Variants in RASIP1 observed in about 807,000 individuals in gnomAD.
The protein encoded by RASIP1 is Ras interacting protein 1.
RASIP1 carries 20 observed loss-of-function variants against 85.3 expected under a neutral mutation model. The observed-to-expected ratio is 0.23, with a 90% CI of 0.17 to 0.34. The LOEUF is 0.34. Among genes scored for constraint, RASIP1 ranks in the 10% least tolerant of loss-of-function variants. RASIP1 has a pLI of 1.00. For synonymous variants in RASIP1, 617 were observed against 647.1 expected, an observed-to-expected ratio of 0.95 and a Z score of 0.71; for missense variants, 1,170 against 1,390.9, an observed-to-expected ratio of 0.84 and a Z score of 2.53.
rs71179038 is a variant in RASIP1, at chr19:48,722,300, A to ATT, written c.2545-301_2545-300dup. On this transcript the variant is annotated intron_variant, in intron 10 of 11. Transcript: ENST00000222145. ...TTGAATCTGGCGATGGTACTTGGGG[A>ATT]TTTTTTTTTTTTTTTTTTTTTTTTG... is the stretch of plus-strand genomic sequence containing the variant. Among the ~76,000 whole-genome samples, 688 of 98,302 alleles carry ATT rather than the reference A, an allele frequency of 7.0e-3. 23 individuals are homozygous for ATT. The highest frequency in any genetic ancestry group is 0.02 in the African/African-American group (483 of 24,300). 64.5% of individuals were successfully genotyped at this position (98,302 alleles called of 152,430 possible). A position where few individuals can be genotyped will look rare whatever the true frequency, so the allele number is the denominator to read the frequency against.
chr19:48,737,746 C>T, intron 3 of RASIP1: 17 of 985,194 alleles, frequency 1.7e-5, no homozygotes, highest in Non-Finnish European at 1.9e-5. Flanking sequence ...CACCACATGC[C>T]ACCACTCCTC....
At chr19:48,723,153 T>A (rs987545256) in intron 10 of RASIP1, among the ~76,000 whole-genome samples, 1 of 152,202 alleles carries the variant, frequency 6.6e-6, no homozygotes, top group Non-Finnish European at 1.5e-5. Context: ...CCCAAAATGC[T>A]GGCATTACAG....
rs767618889 is a variant in RASIP1, at chr19:48,727,169, A to C, written c.1872-11T>G. 6 of 1,613,234 alleles carry C rather than the reference A, an allele frequency of 3.7e-6. 1 individual carries two copies. The highest frequency in any genetic ancestry group is 3.4e-6 in the Non-Finnish European group (4 of 1,180,020). On this transcript the variant is annotated splice_polypyrimidine_tract_variant and intron_variant, in intron 6 of 11. Coordinates refer to ENST00000222145, the MANE Select transcript of RASIP1 (RefSeq NM_017805.3). ...ACCCCCTCAGGGTGGCTTGAAAAAG[A>C]GGAAGGAATTTGTGATCCCTGCCCA...
chr19:48,735,396 C>A lies in RASIP1; in HGVS notation c.979G>T (p.Val327Leu), dbSNP rs1272802660. The A allele has an allele frequency of 1.2e-6, 2 of 1,612,982 alleles. No homozygotes were observed. Among genetic ancestry groups the A allele is most frequent in the South Asian group, 2.2e-5 (2 of 90,984 alleles). ...RSENLSLRRS[V>L]SELSLQGRRR... ...CGCCCCTGAAGGCTAAGCTCCGACA[C>A]GCTGCGCCGCAAAGACAAGTTTTCT... The change falls in exon 4 of 12, where the codon GTG (valine) becomes TTG (leucine). Residue 327 changes from valine (V) to leucine (L), a missense_variant. Physicochemically the swap from Val to Leu is conservative, Grantham distance 32. This residue lies in a region of RASIP1 where 301 missense variants were observed against 294.8 expected (regional missense o/e 1.02). Transcript: ENST00000222145.
At chr19:48,729,925 G>C (rs954103550) in intron 4 of RASIP1, among the ~76,000 whole-genome samples, 2 of 151,858 alleles carry the variant, frequency 1.3e-5, no homozygotes, top group Non-Finnish European at 2.9e-5. Context: ...ATGTTGGCCA[G>C]GCTGGTCTTA....
chr19:48,726,958 A>G (rs1354270292), intron 7 of RASIP1, 49 bp downstream of exon 7: 2 of 1,611,370 alleles, frequency 1.2e-6, no homozygotes, highest in South Asian at 2.2e-5. Context: ...CCCCAGGTGC[A>G]GGGCATGATG....
chr19:48,721,561 G>C (rs1442174358), intron 11 of RASIP1, among the ~76,000 whole-genome samples: 1 of 152,186 alleles, frequency 6.6e-6, no homozygotes, highest in African/African-American at 2.4e-5. Flanking sequence ...CCAGCACTTT[G>C]GGAGGCCGAG....
At position 48,735,324 on chromosome 19, in the gene RASIP1, G is replaced by T; in HGVS notation, c.1051C>A (p.Pro351Thr). The change falls in exon 4 of 12, where the codon CCA (proline) becomes ACA (threonine). Residue 351 changes from proline (P) to threonine (T), a missense_variant. Pro to Thr is a conservative substitution (Grantham distance 38). This residue lies in a region of RASIP1 where 301 missense variants were observed against 294.8 expected (regional missense o/e 1.02). Coordinates refer to ENST00000222145, the MANE Select transcript of RASIP1 (RefSeq NM_017805.3). ...ERRQQALSMAPGAADAQIGTA... is the reference protein window; with the variant it reads ...ERRQQALSMATGAADAQIGTA... ...CCGATTTGGGCGTCGGCTGCCCCTG[G>T]GGCCATGCTAAGTGCCTGCTGTCTC... 6.2e-7 allele frequency: 1 copy of T among 1,613,782 alleles called. No homozygotes were observed. Among genetic ancestry groups the T allele is most frequent in the Non-Finnish European group, 8.5e-7 (1 of 1,179,930 alleles).
chr19:48,725,133 G>A (rs2033321147), intron 8 of RASIP1, 173 bp from the exon 9 acceptor site: 4 of 696,774 alleles, frequency 5.7e-6, no homozygotes, highest in African/African-American at 1.8e-5. Context: ...TTGATAGAAG[G>A]GTATACAAGT....
At chr19:48,737,659 T>A (rs1036970122) in intron 3 of RASIP1, 6 of 985,024 alleles carry the variant, frequency 6.1e-6, no homozygotes, top group Non-Finnish European at 6.0e-6. Flanking sequence ...CCTTCTATAC[T>A]CCACCCACAT....
In RASIP1 at chr19:48,735,442, C is replaced by T; in HGVS notation, c.933G>A (p.Gly311=). The T allele has an allele frequency of 6.2e-7, 1 of 1,602,196 alleles. No homozygotes were observed. Among genetic ancestry groups the T allele is most frequent in the South Asian group, 1.1e-5 (1 of 89,716 alleles). Residue 311 remains glycine, a synonymous_variant, in exon 4 of 12, where the codon GGG becomes GGA. Coordinates refer to ENST00000222145, the MANE Select transcript of RASIP1 (RefSeq NM_017805.3). ...TTTCTGAGCGCTCCTTGCCTCCAGA[C>T]CCAGCTGGGGCCCCTGATCCGGTCC... ...GPGTGSGAPA[G]SGGKERSENL... is the part of the protein sequence containing the mutation.
chr19:48,724,641 C>T lies in RASIP1; in HGVS notation c.2371+76G>A, dbSNP rs903279887. On this transcript the variant is annotated intron_variant, in intron 9 of 11. Transcript: ENST00000222145. The surrounding 1 kb of genome is among the most constrained non-coding windows in gnomAD (Gnocchi z 4.6). ...GGTACCCAAAGGTGAGGCTTGAGCC[C>T]GTGGTGTGTCTAATATGACCTGAGT... The T allele has an allele frequency of 2.3e-5, 37 of 1,589,428 alleles. No individual in the cohort carries two copies. Among genetic ancestry groups the T allele is most frequent in the South Asian group, 8.1e-5 (7 of 86,784 alleles).
In RASIP1 at chr19:48,739,781, CGGGGGTGAGGGT is replaced by C; in HGVS notation, c.138-148_138-137del. The C allele has an allele frequency of 1.5e-5, 1 of 64,578 alleles. No individual in the cohort carries two copies. The highest frequency in any genetic ancestry group is 1.6e-4 in the South Asian group (1 of 6,118). The allele number at this position is 64,578 out of a possible 1,614,324, so 4.0% of individuals were successfully genotyped here. A position where few individuals can be genotyped will look rare whatever the true frequency, so the allele number is the denominator to read the frequency against. On this transcript the variant is annotated intron_variant, in intron 2 of 11. Transcript: ENST00000222145. The surrounding 1 kb of genome is among the most constrained non-coding windows in gnomAD (Gnocchi z 9.2). ...AGGGACCCAGGGTGGATGGACGGGGCGGGGGTGAGGGTGGGGACAGACGCGAGGCAAAGAGAG... is the reference window on the plus strand; with the variant it reads ...AGGGACCCAGGGTGGATGGACGGGGCGGGGACAGACGCGAGGCAAAGAGAG...
At chr19:48,721,441 C>T (rs1356093169) in intron 11 of RASIP1, among the ~76,000 whole-genome samples, 3 of 151,920 alleles carry the variant, frequency 2.0e-5, no homozygotes, top group Non-Finnish European at 4.4e-5. Flanking sequence ...GCACTTATGT[C>T]CTGGTGGGGA....
In RASIP1 at chr19:48,729,605, A is replaced by G; in HGVS notation, c.1180-15T>C. 1 of 1,575,148 alleles carries G rather than the reference A, an allele frequency of 6.3e-7. No individual in the cohort carries two copies. Among genetic ancestry groups the G allele is most frequent in the South Asian group, 1.2e-5 (1 of 86,216 alleles). The stretch of plus-strand genomic sequence containing the variant: ...ACCACAAAGTCCTGGAGGGGAAACG[A>G]GGATGCACTAAGGACATCACTTCAA... On this transcript the variant is annotated splice_polypyrimidine_tract_variant and intron_variant, in intron 4 of 11. Coordinates refer to ENST00000222145, the MANE Select transcript of RASIP1 (RefSeq NM_017805.3).
In RASIP1 at chr19:48,740,416, G is replaced by A. The variant is rs1042847126; in HGVS notation, c.-5+105C>T. The A allele has an allele frequency of 1.4e-6, 2 of 1,403,502 alleles. No individual in the cohort carries two copies. The highest frequency in any genetic ancestry group is 2.7e-5 in the East Asian group (1 of 36,754). The allele number at this position is 1,403,502 out of a possible 1,614,324, so 86.9% of individuals were successfully genotyped here. On this transcript the variant is annotated intron_variant, in intron 1 of 11. Coordinates refer to ENST00000222145, the MANE Select transcript of RASIP1 (RefSeq NM_017805.3). This position sits in a 1 kb window ranked among gnomAD's most constrained non-coding sequence, Gnocchi z 5.5. Reference sequence around the variant, plus strand: ...ACTTGCGAGTCCAGGGGGAGGAGAGGGATGGTACCCTGGATTCCTGGGTCC... The same window carrying A: ...ACTTGCGAGTCCAGGGGGAGGAGAGAGATGGTACCCTGGATTCCTGGGTCC...
chr19:48,726,927 T>C (rs1568477147), intron 7 of RASIP1, 39 bp from the exon 8 acceptor site: 1 of 1,609,098 alleles, frequency 6.2e-7, no homozygotes, highest in Non-Finnish European at 8.5e-7. Context: ...GAACCAGAAG[T>C]CGGCAGCCAG....
rs2033629214 is a variant in RASIP1 at position 48,739,379 on chromosome 19, G to A, written c.404C>T (p.Pro135Leu). ...CGCCGTGGCGCGGGTAGCCAGCGGG[G>A]GCTCGGGGGCCACGCCCGCCGCCAG... The part of the protein sequence containing the change: ...PELAAGVAPE[P>L]PLATRATAPP... The change falls in exon 3 of 12, where the codon CCC becomes CTC. Residue 135 changes from proline to leucine, a missense_variant. Pro to Leu is a moderately conservative substitution (Grantham distance 98). Around this residue, in one of 4 missense-constraint regions of RASIP1, gnomAD observed 299 missense variants for 394.4 expected, o/e 0.76. Coordinates refer to ENST00000222145, the MANE Select transcript of RASIP1 (RefSeq NM_017805.3). The surrounding 1 kb of genome is among the most constrained non-coding windows in gnomAD (Gnocchi z 9.2). 2 of 1,343,194 alleles carry A rather than the reference G, an allele frequency of 1.5e-6. No individual in the cohort carries two copies. The highest frequency in any genetic ancestry group is 1.8e-5 in the South Asian group (1 of 54,142). 83.2% of individuals were successfully genotyped at this position (1,343,194 alleles called of 1,614,324 possible).
chr19:48,724,209 G>T lies in RASIP1; in HGVS notation c.2544+128C>A. 2 of 965,386 alleles carry T rather than the reference G, an allele frequency of 2.1e-6. No individual in the cohort carries two copies. Among genetic ancestry groups the T allele is most frequent in the Non-Finnish European group, 3.1e-6 (2 of 655,304 alleles). 59.8% of individuals were successfully genotyped at this position (965,386 alleles called of 1,614,324 possible). On this transcript the variant is annotated intron_variant, in intron 10 of 11. Coordinates refer to ENST00000222145, the MANE Select transcript of RASIP1 (RefSeq NM_017805.3). This position sits in a 1 kb window ranked among gnomAD's most constrained non-coding sequence, Gnocchi z 4.6. ...TACCTGCCAATGTGTTACCCACAGT[G>T]TCTGAGCTGGGGCTGGGGATGGCAT...
Sources: gnomAD v4.1 joint callset for allele counts (sites outside exome capture counted in the v4.1 genomes callset) on GRCh38, gnomAD v4.1.1 for gene constraint, gnomAD v4.1.1 regional missense constraint, Gnocchi (gnomAD v3.1) non-coding constraint, MANE v1.5 for transcripts, NCBI Gene and HGNC (gene_info 2026-07-23, HGNC 2026-07-21) for gene names.